Variants in MICU1 observed in about 807,000 individuals in gnomAD.
MICU1 encodes the protein calcium uptake protein 1, mitochondrial.
Under a neutral mutation model 56.8 loss-of-function variants are expected in MICU1, and 45 were observed. The ratio of observed to expected loss-of-function variants is 0.79; its 90% CI spans 0.62 to 1.02. The LOEUF (loss-of-function observed/expected upper bound fraction) is 1.02. Ranked by LOEUF, MICU1 falls within the 50% of genes least tolerant of loss-of-function variation. The pLI is 0.00. For missense variants in MICU1, 504 were observed against 587.1 expected (o/e 0.86, Z 1.46); for synonymous variants, 186 against 195.1 (o/e 0.95, Z 0.39).
chr10:72,370,127 T>C (rs1312449198), intron 11 of MICU1, among the ~76,000 whole-genome samples: 1 of 152,166 alleles, frequency 6.6e-6, no homozygotes, highest in Non-Finnish European at 1.5e-5. Flanking sequence ...TCCGCCCACC[T>C]TGGCCTCCCA....
intron 1 of MICU1, among the ~76,000 whole-genome samples, chr10:72,578,845 T>G (rs1214561028): frequency 6.6e-6 from 1 of 152,152 alleles, no homozygotes; most frequent in Non-Finnish European, 1.5e-5. Context: ...GACCTTGTGA[T>G]CCATCCGCCT....
intron 10 of MICU1, among the ~76,000 whole-genome samples, chr10:72,396,497 AG>A (rs1458746917): frequency 6.6e-6 from 1 of 152,246 alleles, no homozygotes; most frequent in African/African-American, 2.4e-5. Flanking sequence ...TCTGAGCTAA[AG>A]GATGTCCAAA....
At chr10:72,529,314 G>C (rs1839410288) in intron 5 of MICU1, among the ~76,000 whole-genome samples, 1 of 152,008 alleles carries the variant, frequency 6.6e-6, no homozygotes, top group African/African-American at 2.4e-5. Context: ...TGGGGGAAAG[G>C]GGAATCAATA....
intron 8 of MICU1, among the ~76,000 whole-genome samples, chr10:72,437,939 A>G (rs187893070): frequency 6.6e-6 from 1 of 152,306 alleles, no homozygotes; most frequent in Non-Finnish European, 1.5e-5. Context: ...ACTCCCACAC[A>G]ATAATAATGG....
intron 1 of MICU1, among the ~76,000 whole-genome samples, chr10:72,600,049 T>G (rs573540789): frequency 1.3e-5 from 2 of 152,080 alleles, no homozygotes; most frequent in African/African-American, 4.8e-5. Flanking sequence ...CCCACCACTT[T>G]GGGAGGCTGA....
intron 1 of MICU1, among the ~76,000 whole-genome samples, chr10:72,594,278 C>A (rs1470504894): frequency 6.6e-6 from 1 of 152,090 alleles, no homozygotes; most frequent in African/African-American, 2.4e-5. Context: ...TATAAGCATA[C>A]TGAAGTATCA....
chr10:72,618,632 A>G (rs1187274353), intron 1 of MICU1, among the ~76,000 whole-genome samples: 1 of 152,218 alleles, frequency 6.6e-6, no homozygotes, highest in African/African-American at 2.4e-5. Context: ...CTAAAAGAGA[A>G]TTTTAATAGA....
chr10:72,433,800 AC>A (rs1760100999), intron 8 of MICU1, among the ~76,000 whole-genome samples: 1 of 152,156 alleles, frequency 6.6e-6, no homozygotes. Context: ...TTAAATATTG[AC>A]CTACAGTTTC....
intron 1 of MICU1, among the ~76,000 whole-genome samples, chr10:72,612,645 TAA>T (rs1246733920): frequency 6.6e-6 from 1 of 151,922 alleles, no homozygotes; most frequent in Non-Finnish European, 1.5e-5. Flanking sequence ...AAAACAATTT[TAA>T]AAAATTAGCC....
At chr10:72,441,625 T>C (rs1481128311) in intron 8 of MICU1, among the ~76,000 whole-genome samples, 1 of 142,836 alleles carries the variant, frequency 7.0e-6, no homozygotes, top group Non-Finnish European at 1.5e-5. Context: ...CTTTTTTTTT[T>C]TTTTTTTTTG....
rs545159920 is a variant in MICU1, at chr10:72,470,996, T to C, written c.933+4104A>G. 2.0e-5 allele frequency among the ~76,000 whole-genome samples: 3 copies of C among 152,340 alleles called. No individual in the cohort carries two copies. In the South Asian group the frequency reaches 6.2e-4, roughly 32 times the overall value. On this transcript the variant is annotated intron_variant, in intron 8 of 11. Coordinates refer to ENST00000361114, the MANE Select transcript of MICU1 (RefSeq NM_001195518.2). ...GATACAACTGTCTTTTACATCTCTT[T>C]TCTTCTGCATTTGGGTGTAGGCTAT...
chr10:72,546,367 C>T (rs1027829667), intron 4 of MICU1, among the ~76,000 whole-genome samples: 3 of 152,190 alleles, frequency 2.0e-5, no homozygotes, highest in Non-Finnish European at 4.4e-5. Context: ...GTGTAACATA[C>T]TCTTGTGCCA....
chr10:72,465,546 C>T (rs1865771016), intron 8 of MICU1, among the ~76,000 whole-genome samples: 1 of 117,492 alleles, frequency 8.5e-6, no homozygotes, highest in African/African-American at 3.1e-5. Flanking sequence ...TAGAGTCTCA[C>T]TCTGTCACCC....
intron 10 of MICU1, among the ~76,000 whole-genome samples, chr10:72,377,016 C>G (rs569111478): frequency 5.9e-5 from 9 of 152,246 alleles, no homozygotes; most frequent in Middle Eastern, 3.4e-3. Flanking sequence ...TGAGCCCTCC[C>G]TGCCCAACTC....
At chr10:72,615,286 T>G (rs1033595933) in intron 1 of MICU1, among the ~76,000 whole-genome samples, 5 of 152,122 alleles carry the variant, frequency 3.3e-5, no homozygotes, top group Non-Finnish European at 7.4e-5. Context: ...CCCAGCTAAT[T>G]TTTGTATTTT....
chr10:72,459,134 C>A (rs761422060), intron 8 of MICU1, among the ~76,000 whole-genome samples: 8 of 151,904 alleles, frequency 5.3e-5, no homozygotes, highest in South Asian at 2.1e-4. Flanking sequence ...AGTTCAAGAC[C>A]AGCTTGGCCA....
rs903271049 is a variant in MICU1, at chr10:72,562,764, T to C, written c.330+131A>G. On this transcript the variant is annotated intron_variant, in intron 3 of 11. Transcript: ENST00000361114. Reference sequence around the variant, plus strand: ...AGAGTACTTTTGGCTTAGAACATGATAGAAAATAGCAAAGAAGTGATAACT... The same window carrying C: ...AGAGTACTTTTGGCTTAGAACATGACAGAAAATAGCAAAGAAGTGATAACT... 1.2e-5 allele frequency: 10 copies of C among 845,172 alleles called. No homozygotes were observed. The East Asian group carries it at 1.2e-4, about 10-fold the overall frequency. 52.4% of individuals were successfully genotyped at this position (845,172 alleles called of 1,614,324 possible).
At chr10:72,624,376 T>C (rs1377594279) in intron 1 of MICU1, among the ~76,000 whole-genome samples, 11 of 152,078 alleles carry the variant, frequency 7.2e-5, no homozygotes, top group South Asian at 6.2e-4. Context: ...GTAGAGATGG[T>C]CTTGCCATAT....
At chr10:72,542,260 T>C (rs1284718662) in intron 4 of MICU1, among the ~76,000 whole-genome samples, 2 of 152,190 alleles carry the variant, frequency 1.3e-5, no homozygotes, top group African/African-American at 2.4e-5. Flanking sequence ...GTGATTTTTT[T>C]TCACCCATTT....
Sources: gnomAD v4.1 joint callset for allele counts (sites outside exome capture counted in the v4.1 genomes callset) on GRCh38, gnomAD v4.1.1 for gene constraint, MANE v1.5 for transcripts, NCBI Gene and HGNC (gene_info 2026-07-23, HGNC 2026-07-21) for gene names.